The following LIN7A variants were observed in gnomAD, a reference collection of about 807,000 sequenced individuals.
The protein encoded by LIN7A is lin-7 cell polarity scaffold A, also known as protein lin-7 homolog A.
In LIN7A, 25 loss-of-function variants were observed where a neutral mutation model predicts 29.8. The ratio of observed to expected loss-of-function variants is 0.84; its 90% CI spans 0.61 to 1.17. LIN7A has a LOEUF of 1.17. LIN7A is among the 50% of genes most tolerant of loss of function. The pLI is 0.00. For missense variants in LIN7A, 239 were observed against 287.0 expected, an observed-to-expected ratio of 0.83 and a Z score of 1.21; for synonymous variants, 118 against 107.5, an observed-to-expected ratio of 1.10 and a Z score of -0.60.
intron 4 of LIN7A, among the ~76,000 whole-genome samples, chr12:80,823,111 C>T (rs1480634927): frequency 6.6e-6 from 1 of 152,190 alleles, no homozygotes. Context: ...CTCAATAAAG[C>T]ACCTCTTCGC....
chr12:80,814,579 C>T (rs1435332166), intron 4 of LIN7A, among the ~76,000 whole-genome samples: 1 of 151,846 alleles, frequency 6.6e-6, no homozygotes, highest in Non-Finnish European at 1.5e-5. Context: ...ATTCAGTTGC[C>T]ACAGGAGGGC....
At chr12:80,842,629 AT>A (rs56822708) in intron 4 of LIN7A, among the ~76,000 whole-genome samples, 4 of 151,250 alleles carry the variant, frequency 2.6e-5, no homozygotes, top group South Asian at 2.1e-4. Flanking sequence ...TCCATTACAG[AT>A]TTTTTTTTCA....
intron 4 of LIN7A, among the ~76,000 whole-genome samples, chr12:80,837,668 GGTAATTTGT>G (rs906807722): frequency 4.6e-5 from 7 of 152,110 alleles, no homozygotes; most frequent in African/African-American, 1.4e-4. Context: ...CACCGTGTGT[GGTAATTTGT>G]TATAGCAGCC....
chr12:80,898,622 T>C (rs1474719093), intron 1 of LIN7A, among the ~76,000 whole-genome samples: 1 of 27,500 alleles, frequency 3.6e-5, no homozygotes, highest in East Asian at 0.017. Flanking sequence ...GAGCAGAGTA[T>C]GTTTTTTCCA....
At chr12:80,854,952 C>T (rs189912926) in intron 2 of LIN7A, among the ~76,000 whole-genome samples, 1 of 151,962 alleles carries the variant, frequency 6.6e-6, no homozygotes, top group East Asian at 1.9e-4. Context: ...ATCCTCATTC[C>T]ACAAAGTTTA....
At position 80,841,396 on chromosome 12, in the gene LIN7A, GAAGGAAGGAAGGAGGGAAA is replaced by G. The variant is rs1872812185; in HGVS notation, c.483+4315_483+4333del. 3.3e-5 allele frequency among the ~76,000 whole-genome samples: 5 copies of G among 149,826 alleles called. No homozygotes were observed. The South Asian group carries it at 1.1e-3, about 32-fold the overall frequency. On this transcript the variant is annotated intron_variant, in intron 4 of 5. Transcript: ENST00000552864. ...GGAAGGAAGGAAGGAAGGAAGGAAG[GAAGGAAGGAAGGAGGGAAA>G]GAAAGTACGAACAGCACCCTCAAGA...
At chr12:80,924,064 T>A (rs1197726303) in intron 1 of LIN7A, among the ~76,000 whole-genome samples, 2 of 152,208 alleles carry the variant, frequency 1.3e-5, no homozygotes, top group South Asian at 4.1e-4. Flanking sequence ...ACTCAAAATA[T>A]GTTATTCTAA....
intron 3 of LIN7A, among the ~76,000 whole-genome samples, chr12:80,847,662 T>A (rs1022386354): frequency 1.3e-5 from 2 of 152,218 alleles, no homozygotes; most frequent in Non-Finnish European, 2.9e-5. Context: ...GATAATTTCC[T>A]GATGTTATCG....
intron 5 of LIN7A, among the ~76,000 whole-genome samples, chr12:80,798,021 A>G (rs1358234365): frequency 1.3e-5 from 2 of 152,162 alleles, no homozygotes; most frequent in African/African-American, 4.8e-5. Context: ...AGATGATTCT[A>G]TTTTTCCTCA....
intron 2 of LIN7A, among the ~76,000 whole-genome samples, chr12:80,878,308 G>A (rs1238243977): frequency 2.0e-5 from 3 of 152,216 alleles, no homozygotes; most frequent in African/African-American, 7.2e-5. Context: ...AGAGAAAGCT[G>A]CAGAAATAGA....
chr12:80,826,491 T>A (rs558851168), intron 4 of LIN7A, among the ~76,000 whole-genome samples: 1 of 152,296 alleles, frequency 6.6e-6, no homozygotes, highest in South Asian at 2.1e-4. Context: ...TCCTCTCTTG[T>A]CTAAATGCTT....
intron 4 of LIN7A, among the ~76,000 whole-genome samples, chr12:80,825,137 T>A (rs1266063134): frequency 7.9e-5 from 12 of 152,180 alleles, no homozygotes; most frequent in East Asian, 1.9e-4. Flanking sequence ...AAATTTTTTT[T>A]AAAAATCAAT....
intron 2 of LIN7A, among the ~76,000 whole-genome samples, chr12:80,857,154 G>C (rs537585496): frequency 6.6e-6 from 1 of 152,132 alleles, no homozygotes; most frequent in Non-Finnish European, 1.5e-5. Flanking sequence ...TACCTGCTTG[G>C]AGCCGATACA....
At chr12:80,903,639 A>G (rs1876333237) in intron 1 of LIN7A, among the ~76,000 whole-genome samples, 1 of 152,060 alleles carries the variant, frequency 6.6e-6, no homozygotes, top group Non-Finnish European at 1.5e-5. Flanking sequence ...TGTGTGATAA[A>G]CATACAATTG....
intron 1 of LIN7A, among the ~76,000 whole-genome samples, chr12:80,918,008 T>C (rs1229685360): frequency 6.6e-6 from 1 of 152,164 alleles, no homozygotes; most frequent in East Asian, 1.9e-4. Context: ...TGGCCTACAA[T>C]TCATTTTATG....
chr12:80,858,012 C>T (rs980405645), intron 2 of LIN7A, among the ~76,000 whole-genome samples: 1 of 152,068 alleles, frequency 6.6e-6, no homozygotes, highest in African/African-American at 2.4e-5. Context: ...ATGGCACATC[C>T]TTTTATTTGA....
chr12:80,832,131 G>A (rs113298105), intron 4 of LIN7A, among the ~76,000 whole-genome samples: 5,583 of 152,258 alleles, frequency 0.037, 165 homozygotes, highest in South Asian at 0.15. Flanking sequence ...ATGACATATT[G>A]GCACAATATT....
chr12:80,912,582 G>A (rs1448722142), intron 1 of LIN7A, among the ~76,000 whole-genome samples: 1 of 151,742 alleles, frequency 6.6e-6, no homozygotes, highest in African/African-American at 2.4e-5. Context: ...GGGTGTGATG[G>A]CTCACACCTG....
intron 1 of LIN7A, among the ~76,000 whole-genome samples, chr12:80,931,722 GAAAT>G (rs1383881731): frequency 6.6e-6 from 1 of 151,800 alleles, no homozygotes; most frequent in Non-Finnish European, 1.5e-5. Context: ...GATTTACAAA[GAAAT>G]AAAAAAGTTC....
Sources: allele counts gnomAD v4.1 joint callset (sites outside exome capture counted in the v4.1 genomes callset), GRCh38; gene constraint gnomAD v4.1.1; transcripts MANE v1.5; gene names NCBI Gene and HGNC (gene_info 2026-07-23, HGNC 2026-07-21).